The following CPXM2 variants were observed in gnomAD, a reference collection of about 807,000 sequenced individuals.
CPXM2 encodes the protein carboxypeptidase X, M14 family member 2.
In CPXM2, 66 loss-of-function variants were observed where a neutral mutation model predicts 86.1. The ratio of observed to expected loss-of-function variants is 0.77; its 90% CI spans 0.63 to 0.94. The LOEUF is 0.94. Among genes scored for constraint, CPXM2 ranks in the 40% least tolerant of loss-of-function variants. CPXM2 has a pLI of 0.00. For missense variants in CPXM2, 948 were observed against 1,026.3 expected (o/e 0.92, Z 1.04); for synonymous variants, 388 against 400.2 (o/e 0.97, Z 0.36).
intron 10 of CPXM2, among the ~76,000 whole-genome samples, chr10:123,765,561 TA>T (rs1439942486): frequency 6.6e-6 from 1 of 152,168 alleles, no homozygotes; most frequent in African/African-American, 2.4e-5. Flanking sequence ...ATTAGGATGT[TA>T]GGTGGAAAAA....
intron 2 of CPXM2, among the ~76,000 whole-genome samples, chr10:123,870,076 T>C (rs552967961): frequency 9.9e-5 from 15 of 152,226 alleles, no homozygotes; most frequent in African/African-American, 3.6e-4. Flanking sequence ...AGGTAACTAC[T>C]GCGAGCCAGA....
Position 123,816,680 on chromosome 10 carries a change from C to G in CPXM2, c.654-17481G>C, listed in dbSNP as rs575786606. On this transcript the variant is annotated intron_variant, in intron 4 of 13. Coordinates refer to ENST00000241305, the MANE Select transcript of CPXM2 (RefSeq NM_198148.3). ...ATGCAGCCATTGACTTGGCAAATGC[C>G]TTTTTCTCCATTCCTGTCCATAAGG... Among the ~76,000 whole-genome samples, 3 of 152,360 alleles carry G rather than the reference C, an allele frequency of 2.0e-5. No individual in the cohort carries two copies. In the South Asian group the frequency reaches 6.2e-4, roughly 32 times the overall value.
chr10:123,880,228 C>A lies in CPXM2; in HGVS notation c.386G>T (p.Arg129Leu). The change falls in exon 2 of 14, where the codon CGT (arginine) becomes CTT (leucine). Residue 129 changes from arginine (R) to leucine (L), a missense_variant. Arg to Leu is a moderately radical substitution (Grantham distance 102). Transcript: ENST00000241305. Reference sequence around the variant, plus strand: ...TCACTTACTCTCTCTGACATCTTCACGGGCCACACGGACACTGTGATCATC... The same window carrying A: ...TCACTTACTCTCTCTGACATCTTCAAGGGCCACACGGACACTGTGATCATC... ...ANDDHSVRVA[R>L]EDVRESCPPL... is the part of the protein sequence containing the mutation. 1 of 1,449,340 alleles carries A rather than the reference C, an allele frequency of 6.9e-7. No individual in the cohort carries two copies. The highest frequency in any genetic ancestry group is 9.4e-7 in the Non-Finnish European group (1 of 1,065,016). The allele number at this position is 1,449,340 out of a possible 1,614,324, so 89.8% of individuals were successfully genotyped here.
intron 2 of CPXM2, among the ~76,000 whole-genome samples, chr10:123,938,654 G>A (rs576904002): frequency 4.4e-4 from 67 of 152,326 alleles, no homozygotes; most frequent in African/African-American, 1.5e-3. Context: ...GACAGATGCC[G>A]TTAGCAAGCA....
At chr10:123,789,225 TC>T (rs1415009596) in intron 6 of CPXM2, among the ~76,000 whole-genome samples, 1 of 152,168 alleles carries the variant, frequency 6.6e-6, no homozygotes, top group Non-Finnish European at 1.5e-5. Flanking sequence ...AGGCACAGCC[TC>T]ACCTGATCCT....
At position 123,750,428 on chromosome 10, in the gene CPXM2, G is replaced by C. The variant is rs955141900; in HGVS notation, c.2018-3411C>G. 9.2e-6 allele frequency: 9 copies of C among 981,510 alleles called. No individual in the cohort carries two copies. In the African/African-American group the frequency reaches 1.6e-4, roughly 17 times the overall value. 60.8% of individuals were successfully genotyped at this position (981,510 alleles called of 1,614,324 possible). ...TTGACTCTGAGCCTTTGCAATTACTGTTCCCTCCAACTGGAATGCTATTCT... is the reference window on the plus strand; with the variant it reads ...TTGACTCTGAGCCTTTGCAATTACTCTTCCCTCCAACTGGAATGCTATTCT... On this transcript the variant is annotated intron_variant, in intron 13 of 13. Coordinates refer to ENST00000241305, the MANE Select transcript of CPXM2 (RefSeq NM_198148.3).
At chr10:123,906,560 A>G (rs930680802) in intron 2 of CPXM2, among the ~76,000 whole-genome samples, 2 of 152,148 alleles carry the variant, frequency 1.3e-5, no homozygotes, top group Non-Finnish European at 2.9e-5. Flanking sequence ...AATAAAATTT[A>G]AATTAAATCC....
intron 4 of CPXM2, among the ~76,000 whole-genome samples, chr10:123,801,291 C>T (rs1004513058): frequency 9.2e-5 from 14 of 152,156 alleles, no homozygotes; most frequent in African/African-American, 2.7e-4. Flanking sequence ...TCTTGCCTGC[C>T]GCCAGGTGAG....
At chr10:123,762,846 C>G (rs771310652) in intron 10 of CPXM2, among the ~76,000 whole-genome samples, 1 of 152,054 alleles carries the variant, frequency 6.6e-6, no homozygotes, top group Non-Finnish European at 1.5e-5. Flanking sequence ...AAGATCAAAT[C>G]GACAATGACA....
At chr10:123,768,802 G>A (rs966385686) in intron 8 of CPXM2, 80 bp from the exon 9 acceptor site, 294 of 1,277,596 alleles carry the variant, frequency 2.3e-4, no homozygotes, top group Non-Finnish European at 3.0e-4. Context: ...TTGTGTTGGG[G>A]GGAAAGTCTT....
intron 4 of CPXM2, among the ~76,000 whole-genome samples, chr10:123,826,506 G>A (rs775487417): frequency 6.6e-6 from 1 of 152,180 alleles, no homozygotes; most frequent in East Asian, 1.9e-4. Flanking sequence ...AAATTGGAAG[G>A]AGGAGTAGAG....
intron 4 of CPXM2, among the ~76,000 whole-genome samples, chr10:123,799,788 C>A (rs563275707): frequency 3.3e-5 from 5 of 152,250 alleles, no homozygotes; most frequent in South Asian, 4.1e-4. Context: ...CAAATAAATA[C>A]CCCCATCATC....
At chr10:123,889,848 A>C (rs1945238576) in intron 1 of CPXM2, among the ~76,000 whole-genome samples, 1 of 152,120 alleles carries the variant, frequency 6.6e-6, no homozygotes, top group Non-Finnish European at 1.5e-5. Context: ...AGTGACTGCC[A>C]GAACCCAACA....
upstream of CPXM2, among the ~76,000 whole-genome samples, chr10:123,895,112 C>CTT (rs1198158013): frequency 3.7e-4 from 41 of 111,654 alleles, no homozygotes; most frequent in East Asian, 6.3e-4. Flanking sequence ...TTTTTTTTTT[C>CTT]TTTTTTTTCT....
In CPXM2 at chr10:123,891,464, C is replaced by A. The variant is rs1042714692; in HGVS notation, c.196G>T (p.Gly66Trp). Residue 66 changes from glycine to tryptophan, a missense_variant, in exon 1 of 14, where the codon GGG (glycine) becomes TGG (tryptophan). Gly to Trp is a radical substitution (Grantham distance 184, BLOSUM62 -2). Transcript: ENST00000241305. This position sits in a 1 kb window ranked among gnomAD's most constrained non-coding sequence, Gnocchi z 5.6. The part of the protein sequence containing the change: ...TFSPPLPAGP[G>W]EEWERRPQEP... ...TGCGGGCGCCGCTCCCACTCCTCCCCGGGCCCCGCAGGCAGCGGCGGAGAG... is the reference window on the plus strand; with the variant it reads ...TGCGGGCGCCGCTCCCACTCCTCCCAGGGCCCCGCAGGCAGCGGCGGAGAG... 1.9e-6 allele frequency: 3 copies of A among 1,549,560 alleles called. No homozygotes were observed. The highest frequency in any genetic ancestry group is 1.2e-5 in the South Asian group (1 of 83,976).
intron 2 of CPXM2, among the ~76,000 whole-genome samples, chr10:123,939,105 G>C (rs1226720974): frequency 6.6e-6 from 1 of 152,150 alleles, no homozygotes; most frequent in East Asian, 1.9e-4. Context: ...TGTATCTGCA[G>C]AGCCAACTGT....
chr10:123,809,254 C>A (rs1419859002), intron 4 of CPXM2, among the ~76,000 whole-genome samples: 1 of 151,986 alleles, frequency 6.6e-6, no homozygotes, highest in South Asian at 2.1e-4. Context: ...GAAAGAGAAG[C>A]CATAAAGTGT....
chr10:123,909,571 G>T (rs76395291), intron 2 of CPXM2, among the ~76,000 whole-genome samples: 2 of 152,150 alleles, frequency 1.3e-5, no homozygotes, highest in African/African-American at 4.8e-5. Context: ...TTGCTGGGCC[G>T]TTCAAAGCCT....
chr10:123,830,852 ATCTCTC>A (rs150171922), intron 4 of CPXM2, among the ~76,000 whole-genome samples: 84 of 139,910 alleles, frequency 6.0e-4, no homozygotes, highest in African/African-American at 2.0e-3. Flanking sequence ...GTATGCACTC[ATCTCTC>A]TCTCTCTCTC....
Sources: gnomAD v4.1 joint callset for allele counts (sites outside exome capture counted in the v4.1 genomes callset) on GRCh38, gnomAD v4.1.1 for gene constraint, Gnocchi (gnomAD v3.1) non-coding constraint, MANE v1.5 for transcripts, NCBI Gene and HGNC (gene_info 2026-07-23, HGNC 2026-07-21) for gene names.